The following LHFPL6 variants were observed in gnomAD, a reference collection of about 807,000 sequenced individuals.
LHFPL6 encodes the protein LHFPL tetraspan subfamily member 6, also known as LHFPL tetraspan subfamily member 6 protein.
LHFPL6 carries 9 observed loss-of-function variants against 20.6 expected under a neutral mutation model. The ratio of observed to expected loss-of-function variants is 0.44; its 90% CI spans 0.26 to 0.76. LHFPL6 has a LOEUF of 0.76. Among genes scored for constraint, LHFPL6 ranks in the 30% least tolerant of loss-of-function variants. The pLI is 0.20. For missense variants in LHFPL6, 218 were observed against 253.5 expected (o/e 0.86, Z 0.95); for synonymous variants, 105 against 98.7 (o/e 1.06, Z -0.38).
At chr13:39,535,836 A>G (rs1246355673) in intron 2 of LHFPL6, among the ~76,000 whole-genome samples, 1 of 151,608 alleles carries the variant, frequency 6.6e-6, no homozygotes, top group African/African-American at 2.4e-5. Flanking sequence ...CCTAGTTATT[A>G]TAGTGAATAA....
intron 2 of LHFPL6, among the ~76,000 whole-genome samples, chr13:39,556,947 G>A (rs1361673941): frequency 6.6e-6 from 1 of 152,066 alleles, no homozygotes; most frequent in Non-Finnish European, 1.5e-5. Context: ...GAGTGACAGG[G>A]CAAGATCCTG....
intron 2 of LHFPL6, among the ~76,000 whole-genome samples, chr13:39,458,569 T>A (rs1206802904): frequency 6.6e-6 from 1 of 151,820 alleles, no homozygotes; most frequent in Admixed American, 6.6e-5. Context: ...CATGGGGGCC[T>A]GCATGTGTAG....
At chr13:39,526,525 A>C (rs1390032319) in intron 2 of LHFPL6, among the ~76,000 whole-genome samples, 1 of 152,248 alleles carries the variant, frequency 6.6e-6, no homozygotes, top group Non-Finnish European at 1.5e-5. Context: ...AACAAAATGA[A>C]GATGCAGATA....
In LHFPL6 at chr13:39,600,870, G is replaced by T; in HGVS notation, c.347C>A (p.Thr116Lys). 1 of 1,533,414 alleles carries T rather than the reference G, an allele frequency of 6.5e-7. No homozygotes were observed. The allele number at this position is 1,533,414 out of a possible 1,614,324, so 95.0% of individuals were successfully genotyped here. ...GCCVSDLISR[T>K]VGRVAGGIQF... Reference sequence around the variant, plus strand: ...AATTCCTCCAGCCACTCTTCCCACTGTCCTGGAGATGAGGTCGGAAACACA... The same window carrying T: ...AATTCCTCCAGCCACTCTTCCCACTTTCCTGGAGATGAGGTCGGAAACACA... Residue 116 changes from threonine to lysine, a missense_variant, in exon 2 of 4, where the codon ACA (threonine) becomes AAA (lysine). By Grantham distance (78) the Thr-to-Lys change is moderately conservative. Coordinates refer to ENST00000379589, the MANE Select transcript of LHFPL6 (RefSeq NM_005780.3).
intron 3 of LHFPL6, among the ~76,000 whole-genome samples, chr13:39,348,985 A>G (rs1341050229): frequency 6.6e-6 from 1 of 152,228 alleles, no homozygotes; most frequent in East Asian, 1.9e-4. Context: ...TAAAGAGTGT[A>G]ACATAATAGC....
intron 2 of LHFPL6, among the ~76,000 whole-genome samples, chr13:39,439,437 G>T (rs1380516733): frequency 2.0e-5 from 3 of 152,134 alleles, no homozygotes; most frequent in East Asian, 1.9e-4. Context: ...CTTTAGATTG[G>T]ATTTTTGAGT....
chr13:39,481,111 G>A (rs547617701), intron 2 of LHFPL6, among the ~76,000 whole-genome samples: 3 of 151,966 alleles, frequency 2.0e-5, no homozygotes, highest in Non-Finnish European at 4.4e-5. Context: ...CAATTAACTT[G>A]TATTAGTTTT....
At chr13:39,467,572 T>A (rs1872836370) in intron 2 of LHFPL6, among the ~76,000 whole-genome samples, 1 of 152,142 alleles carries the variant, frequency 6.6e-6, no homozygotes. Context: ...GAAGTTCCCT[T>A]ATCTACCTGG....
intron 2 of LHFPL6, among the ~76,000 whole-genome samples, chr13:39,438,501 A>G (rs1872024877): frequency 6.6e-6 from 1 of 152,272 alleles, no homozygotes; most frequent in Non-Finnish European, 1.5e-5. Flanking sequence ...GGCTGTAGAA[A>G]TTTGCATAAG....
chr13:39,504,431 A>G (rs1327838373), intron 2 of LHFPL6, among the ~76,000 whole-genome samples: 2 of 152,238 alleles, frequency 1.3e-5, no homozygotes, highest in Non-Finnish European at 2.9e-5. Flanking sequence ...TAGAGCTCAC[A>G]TATGAAGTAT....
chr13:39,406,152 G>A (rs17059828), intron 2 of LHFPL6, among the ~76,000 whole-genome samples: 17,055 of 152,024 alleles, frequency 0.11, 1,311 homozygotes, highest in East Asian at 0.33. Context: ...TTTCCAATAG[G>A]GGCTTGACCA....
chr13:39,410,538 C>A (rs1212178631), intron 2 of LHFPL6, among the ~76,000 whole-genome samples: 1 of 152,128 alleles, frequency 6.6e-6, no homozygotes, highest in Non-Finnish European at 1.5e-5. Context: ...AGAAACAGAT[C>A]CTCTTTCTCC....
intron 2 of LHFPL6, among the ~76,000 whole-genome samples, chr13:39,473,311 G>A (rs527902265): frequency 7.5e-4 from 111 of 148,946 alleles, no homozygotes; most frequent in Admixed American, 1.3e-3. Context: ...ATTTATTCCA[G>A]AATAAGAACA....
intron 2 of LHFPL6, among the ~76,000 whole-genome samples, chr13:39,580,385 T>C (rs1341639345): frequency 6.6e-6 from 1 of 152,144 alleles, no homozygotes; most frequent in Non-Finnish European, 1.5e-5. Context: ...TAACACAGTA[T>C]ATTTACCACG....
At chr13:39,351,614 G>A (rs1272646253) in intron 3 of LHFPL6, among the ~76,000 whole-genome samples, 1 of 152,128 alleles carries the variant, frequency 6.6e-6, no homozygotes, top group African/African-American at 2.4e-5. Context: ...AACTAAATAT[G>A]TCCTGGGAAT....
intron 2 of LHFPL6, among the ~76,000 whole-genome samples, chr13:39,542,059 C>T (rs1192877296): frequency 6.7e-6 from 1 of 149,644 alleles, no homozygotes; most frequent in Non-Finnish European, 1.5e-5. Flanking sequence ...CCACTGCACT[C>T]CAGCCTGGGC....
At chr13:39,409,172 T>A (rs1417103467) in intron 2 of LHFPL6, among the ~76,000 whole-genome samples, 1 of 152,140 alleles carries the variant, frequency 6.6e-6, no homozygotes, top group East Asian at 1.9e-4. Flanking sequence ...TGAAATGTAC[T>A]GCCAGACGCG....
chr13:39,500,948 AC>A (rs1001865964), intron 2 of LHFPL6, among the ~76,000 whole-genome samples: 1 of 152,098 alleles, frequency 6.6e-6, no homozygotes, highest in African/African-American at 2.4e-5. Flanking sequence ...GCTGGGCTCT[AC>A]CTCCACAATT....
chr13:39,477,567 G>A (rs1175103846), intron 2 of LHFPL6, among the ~76,000 whole-genome samples: 1 of 152,164 alleles, frequency 6.6e-6, no homozygotes, highest in Non-Finnish European at 1.5e-5. Flanking sequence ...AAGGAGAAGA[G>A]AGTTCTATGT....
Sources: allele counts gnomAD v4.1 joint callset (sites outside exome capture counted in the v4.1 genomes callset), GRCh38; gene constraint gnomAD v4.1.1; transcripts MANE v1.5; gene names NCBI Gene and HGNC (gene_info 2026-07-23, HGNC 2026-07-21).